THSD4: variants seen among roughly 807,000 people sequenced by gnomAD.
THSD4 encodes the protein thrombospondin type-1 domain-containing protein 4.
A neutral mutation model predicts 119.0 loss-of-function variants in THSD4; 69 were observed. The observed-to-expected ratio is 0.58, with a 90% confidence interval of 0.48 to 0.71. The LOEUF (loss-of-function observed/expected upper bound fraction) is 0.71, where lower values mean the gene tolerates loss of function less well. THSD4 is among the 30% of genes least tolerant of loss of function. The probability of loss-of-function intolerance (pLI) is 0.00; values close to 1 mark genes in which losing one functional copy is unlikely to be tolerated. For synonymous variants in THSD4, 524 were observed against 540.4 expected (o/e 0.97, Z 0.42); for missense variants, 1,393 against 1,391.1 (o/e 1.00, Z -0.02).
chr15:71,330,666 C>G (rs1034873668), intron 6 of THSD4, among the ~76,000 whole-genome samples: 2 of 152,196 alleles, frequency 1.3e-5, no homozygotes, highest in African/African-American at 4.8e-5. Context: ...ACTGTTAGCG[C>G]TTTCCTTCCT....
rs185632555 is a variant in THSD4, at chr15:71,276,839, C to T, written c.1015+20124C>T. 1.4e-4 allele frequency among the ~76,000 whole-genome samples: 22 copies of T among 152,202 alleles called. No individual in the cohort carries two copies. The East Asian group carries it at 3.9e-3, about 27-fold the overall frequency. On this transcript the variant is annotated intron_variant, in intron 6 of 17. Coordinates refer to ENST00000261862, the MANE Select transcript of THSD4 (RefSeq NM_024817.3). ...AATGTAAGTAAAAAACAATATGTAG[C>T]GGATTGTAATTTTTCAAGAGATGAC...
Position 71,547,475 on chromosome 15 carries a change from G to A in THSD4, c.1153-113055G>A, listed in dbSNP as rs1271364559. ...AAACAGCAGTGTTAGCAAGACCTGG[G>A]GGAGAGGTAAGCCAAATAAAATATC... On this transcript the variant is annotated intron_variant, in intron 7 of 17. Coordinates refer to ENST00000261862, the MANE Select transcript of THSD4 (RefSeq NM_024817.3). 4 of 1,550,110 alleles carry A rather than the reference G, an allele frequency of 2.6e-6. No individual in the cohort carries two copies. The Admixed American group carries it at 5.9e-5, about 23-fold the overall frequency.
intron 6 of THSD4, among the ~76,000 whole-genome samples, chr15:71,377,912 A>ACC (rs200219700): frequency 6.0e-3 from 153 of 25,308 alleles, no homozygotes; most frequent in East Asian, 0.022. Context: ...ACACACACAC[A>ACC]CAATTTCCTT....
At chr15:71,207,070 G>T (rs2043849751) in intron 3 of THSD4, among the ~76,000 whole-genome samples, 1 of 152,068 alleles carries the variant, frequency 6.6e-6, no homozygotes, top group Admixed American at 6.5e-5. Context: ...TTTCCATATT[G>T]CTCTGTATTA....
chr15:71,192,653 G>C (rs1455763168), intron 3 of THSD4, among the ~76,000 whole-genome samples: 1 of 152,082 alleles, frequency 6.6e-6, no homozygotes, highest in Non-Finnish European at 1.5e-5. Context: ...TCTCCTAGAC[G>C]GGTTATAAAC....
chr15:71,477,333 C>T (rs955256738), intron 7 of THSD4, among the ~76,000 whole-genome samples: 2 of 152,074 alleles, frequency 1.3e-5, no homozygotes, highest in African/African-American at 2.4e-5. Flanking sequence ...TGTGCAAAAC[C>T]GTGTTTAGAA....
At chr15:71,185,288 G>C (rs1047639304) in intron 3 of THSD4, 8 of 151,806 alleles carry the variant, frequency 5.3e-5, no homozygotes, top group Non-Finnish European at 1.5e-5. Flanking sequence ...GAATTTTATT[G>C]TATTGAATAT....
intron 4 of THSD4, among the ~76,000 whole-genome samples, chr15:71,239,148 T>C (rs1458224181): frequency 6.6e-6 from 1 of 152,254 alleles, no homozygotes; most frequent in Non-Finnish European, 1.5e-5. Flanking sequence ...TCATTTGCTC[T>C]TAAGTCATTT....
rs755248034 is a variant in THSD4, at chr15:71,256,622, G to C, written c.922G>C (p.Glu308Gln). ...YKLCNTNVCP[E>Q]SSRSIREVQC... ...ATATCTGCTTTATTAGGTATGTCCA[G>C]AAAGCAGTAGAAGTATCCGGGAGGT... Residue 308 changes from glutamate (E) to glutamine (Q), a missense_variant, in exon 6 of 18, where the codon GAA becomes CAA. Transcript: ENST00000261862. The C allele has an allele frequency of 1.2e-6, 2 of 1,613,908 alleles. No homozygotes were observed. The highest frequency in any genetic ancestry group is 1.7e-6 in the Non-Finnish European group (2 of 1,179,878).
chr15:71,569,134 T>A (rs1193655271), intron 7 of THSD4, among the ~76,000 whole-genome samples: 1 of 152,222 alleles, frequency 6.6e-6, no homozygotes, highest in Admixed American at 6.5e-5. Flanking sequence ...CACTCAGAAA[T>A]CTAAAGTTTT....
At chr15:71,533,491 A>G (rs528982412) in intron 7 of THSD4, among the ~76,000 whole-genome samples, 69 of 152,344 alleles carry the variant, frequency 4.5e-4, no homozygotes, top group African/African-American at 1.7e-3. Flanking sequence ...CAGAACATAC[A>G]GTAAGATGTA....
At chr15:71,664,407 T>C (rs532219805) in intron 8 of THSD4, among the ~76,000 whole-genome samples, 1 of 152,316 alleles carries the variant, frequency 6.6e-6, no homozygotes, top group African/African-American at 2.4e-5. Flanking sequence ...TTTAAATAAC[T>C]GATTCCCCAG....
At chr15:71,280,280 A>G (rs1236222281) in intron 6 of THSD4, among the ~76,000 whole-genome samples, 1 of 152,132 alleles carries the variant, frequency 6.6e-6, no homozygotes, top group Admixed American at 6.5e-5. Flanking sequence ...GGGCCAGATT[A>G]TAGAGGGCCT....
At chr15:71,307,458 A>G (rs532008736) in intron 6 of THSD4, among the ~76,000 whole-genome samples, 2 of 152,294 alleles carry the variant, frequency 1.3e-5, no homozygotes, top group Admixed American at 6.5e-5. Flanking sequence ...ATGATTTGCT[A>G]AAAGAAATCA....
chr15:71,746,291 A>T (rs1425972101), intron 12 of THSD4, among the ~76,000 whole-genome samples: 1 of 152,102 alleles, frequency 6.6e-6, no homozygotes, highest in Non-Finnish European at 1.5e-5. Flanking sequence ...ATAACTTTTC[A>T]TAGAATCTGG....
At chr15:71,600,716 A>G (rs1457272012) in intron 7 of THSD4, among the ~76,000 whole-genome samples, 1 of 150,702 alleles carries the variant, frequency 6.6e-6, no homozygotes, top group Non-Finnish European at 1.5e-5. Context: ...TTAATACCCT[A>G]TTATCATGCC....
chr15:71,205,988 C>T, intron 3 of THSD4, among the ~76,000 whole-genome samples: 1 of 151,536 alleles, frequency 6.6e-6, no homozygotes, highest in Non-Finnish European at 1.5e-5. Flanking sequence ...TAAGGTTTCA[C>T]TGGTTTCTAA....
chr15:71,368,667 A>G (rs2046001300), intron 6 of THSD4, among the ~76,000 whole-genome samples: 2 of 152,194 alleles, frequency 1.3e-5, no homozygotes, highest in South Asian at 4.1e-4. Context: ...TACCAGTACC[A>G]TGCTGTTTTG....
At chr15:71,226,420 G>A (rs2044018496) in intron 4 of THSD4, among the ~76,000 whole-genome samples, 1 of 152,134 alleles carries the variant, frequency 6.6e-6, no homozygotes, top group African/African-American at 2.4e-5. Flanking sequence ...TTGTTTGAAA[G>A]GTTCGTTCAT....
Sources: allele counts gnomAD v4.1 joint callset (sites outside exome capture counted in the v4.1 genomes callset), GRCh38; gene constraint gnomAD v4.1.1; transcripts MANE v1.5; gene names NCBI Gene and HGNC (gene_info 2026-07-23, HGNC 2026-07-21).